Variants in STX6 observed in about 807,000 individuals in gnomAD.
The protein encoded by STX6 is syntaxin 6, also known as syntaxin-6.
A neutral mutation model predicts 38.0 loss-of-function variants in STX6; 23 were observed. The ratio of observed to expected loss-of-function variants is 0.60; its 90% CI spans 0.43 to 0.86. The LOEUF is 0.86. STX6 is among the 40% of genes least tolerant of loss of function. The pLI, the probability that STX6 is intolerant of heterozygous loss-of-function variation, is 0.00. For missense variants in STX6, 274 were observed against 312.9 expected (o/e 0.88, Z 0.94); for synonymous variants, 123 against 107.5 (o/e 1.14, Z -0.89).
chr1:180,983,946 C>T (rs995437949), intron 7 of STX6, among the ~76,000 whole-genome samples: 3 of 151,208 alleles, frequency 2.0e-5, no homozygotes, highest in Non-Finnish European at 4.4e-5. Context: ...CGCCTGTAGT[C>T]CCAGCTACTT....
At position 180,984,678 on chromosome 1, in the gene STX6, A is replaced by T. The variant is rs1294501695; in HGVS notation, c.690T>A (p.Ser230Arg). Residue 230 changes from serine to arginine, a missense_variant and splice_region_variant, in exon 7 of 8, where the codon AGT (serine) becomes AGA (arginine). Ser to Arg is a moderately radical substitution (Grantham distance 110). Transcript: ENST00000258301. ...KKLAKVSHMTSDRRQWCAIAI... is the reference protein window; with the variant it reads ...KKLAKVSHMTRDRRQWCAIAI... The stretch of plus-strand genomic sequence containing the variant: ...TTAAGCTTTAAACGCCATACATACC[A>T]CTGGTCATATGAGATACTTTTGCAA... The T allele has an allele frequency of 6.9e-7, 1 of 1,457,454 alleles. No homozygotes were observed. The highest frequency in any genetic ancestry group is 9.6e-7 in the Non-Finnish European group (1 of 1,038,662). The allele number at this position is 1,457,454 out of a possible 1,614,324, so 90.3% of individuals were successfully genotyped here. A position where few individuals can be genotyped will look rare whatever the true frequency, so the allele number is the denominator to read the frequency against.
chr1:181,015,901 C>G (rs967495005), intron 1 of STX6, among the ~76,000 whole-genome samples: 2 of 152,136 alleles, frequency 1.3e-5, no homozygotes, highest in African/African-American at 4.8e-5. Flanking sequence ...CCTCATGATT[C>G]GCCTGCCTTG....
rs188723375 is a variant in STX6 at position 180,980,886 on chromosome 1, T to C, written c.691+3791A>G. Among the ~76,000 whole-genome samples the C allele has an allele frequency of 5.0e-3, 764 of 152,198 alleles. 8 individuals are homozygous for C. Among genetic ancestry groups the C allele is most frequent in the African/African-American group, 0.018 (735 of 41,502 alleles). ...GCTATCAAGCCATGAAAAAGCACAG[T>C]GGAAACTTAGATGCACACTGCTAAG... On this transcript the variant is annotated intron_variant, in intron 7 of 7. Transcript: ENST00000258301.
intron 1 of STX6, among the ~76,000 whole-genome samples, chr1:181,008,732 T>TTTTTTG (rs1485415178): frequency 8.6e-5 from 13 of 150,360 alleles, no homozygotes; most frequent in African/African-American, 2.9e-4. Flanking sequence ...AAATTGTTTT[T>TTTTTTG]TTTTTTTTTT....
chr1:180,994,292 A>T (rs1655837487), intron 3 of STX6, among the ~76,000 whole-genome samples: 1 of 152,226 alleles, frequency 6.6e-6, no homozygotes, highest in Admixed American at 6.5e-5. Flanking sequence ...TGACAAGTAA[A>T]CAGATGAGAC....
At chr1:180,981,054 T>G (rs1316598109) in intron 7 of STX6, among the ~76,000 whole-genome samples, 1 of 152,036 alleles carries the variant, frequency 6.6e-6, no homozygotes, top group Admixed American at 6.6e-5. Flanking sequence ...AACACAGGAT[T>G]TTTTAGGGCA....
At chr1:181,014,727 A>T (rs1043316117) in intron 1 of STX6, among the ~76,000 whole-genome samples, 2 of 152,162 alleles carry the variant, frequency 1.3e-5, no homozygotes, top group African/African-American at 2.4e-5. Context: ...GAAAGAGAGG[A>T]ACTCTTTTTA....
chr1:180,976,560 G>A lies in STX6; in HGVS notation c.*10C>T, dbSNP rs1310223872. 7 of 1,613,250 alleles carry A rather than the reference G, an allele frequency of 4.3e-6. No homozygotes were observed. The highest frequency in any genetic ancestry group is 4.0e-5 in the African/African-American group (3 of 74,878). ...TATGCAGGAGGAACTCGCACCCAGA[G>A]GCCCCGCCGTCACAGCACTAAGAAG... is the stretch of plus-strand genomic sequence containing the variant. On this transcript the variant is annotated 3_prime_UTR_variant, in exon 8 of 8. Coordinates refer to ENST00000258301, the MANE Select transcript of STX6 (RefSeq NM_005819.6).
At chr1:180,993,174 G>A (rs142754380) in intron 4 of STX6, among the ~76,000 whole-genome samples, 189 bp downstream of exon 4, 50 of 152,276 alleles carry the variant, frequency 3.3e-4, no homozygotes, top group Middle Eastern at 3.4e-3. Flanking sequence ...GAGGAGGGGA[G>A]GGAAATGTTG....
At chr1:181,013,067 G>A (rs1365548310) in intron 1 of STX6, among the ~76,000 whole-genome samples, 1 of 151,534 alleles carries the variant, frequency 6.6e-6, no homozygotes, top group Non-Finnish European at 1.5e-5. Flanking sequence ...TCGTCAGATA[G>A]TTGAGCCTCT....
At chr1:181,012,653 G>A (rs1656433981) in intron 1 of STX6, among the ~76,000 whole-genome samples, 1 of 149,836 alleles carries the variant, frequency 6.7e-6, no homozygotes, top group Non-Finnish European at 1.5e-5. Flanking sequence ...AGTCATCTGA[G>A]CATTCAGATT....
intron 1 of STX6, among the ~76,000 whole-genome samples, chr1:181,011,811 G>A (rs1357812243): frequency 3.9e-5 from 6 of 152,308 alleles, no homozygotes; most frequent in East Asian, 1.9e-4. Context: ...ACTGTTGTCC[G>A]TTCTACACAA....
At chr1:181,006,627 A>G (rs1380318676) in intron 1 of STX6, among the ~76,000 whole-genome samples, 1 of 151,988 alleles carries the variant, frequency 6.6e-6, no homozygotes. Flanking sequence ...TCCTTCTATG[A>G]TTTCTTCTGG....
At chr1:181,006,136 C>A (rs749444288) in intron 1 of STX6, among the ~76,000 whole-genome samples, 17 of 152,120 alleles carry the variant, frequency 1.1e-4, no homozygotes, top group Non-Finnish European at 1.9e-4. Flanking sequence ...GATCTTGGCT[C>A]ACTGCAACCT....
chr1:181,006,905 T>A (rs555166434), intron 1 of STX6, among the ~76,000 whole-genome samples: 2 of 152,334 alleles, frequency 1.3e-5, no homozygotes, highest in East Asian at 3.9e-4. Flanking sequence ...TCTACCAACG[T>A]CTATTCATCT....
chr1:181,018,388 C>CAAAAAAAAAAAAAAA (rs34962747), intron 1 of STX6, among the ~76,000 whole-genome samples: 2 of 43,038 alleles, frequency 4.6e-5, no homozygotes, highest in African/African-American at 8.9e-5. Context: ...GACTCTGTCC[C>CAAAAAAAAAAAAAAA]AAAAAAAAAA....
intron 1 of STX6, among the ~76,000 whole-genome samples, chr1:181,007,593 A>T (rs1656260113): frequency 6.6e-6 from 1 of 152,226 alleles, no homozygotes; most frequent in Non-Finnish European, 1.5e-5. Flanking sequence ...AGAAGCCTCA[A>T]ACCAAGAAGC....
At chr1:180,977,547 C>CATGTAGAA (rs1387737011) in intron 7 of STX6, among the ~76,000 whole-genome samples, 1 of 152,188 alleles carries the variant, frequency 6.6e-6, no homozygotes, top group Non-Finnish European at 1.5e-5. Flanking sequence ...AATTTGGAGA[C>CATGTAGAA]ATGTAGAAAA....
Position 181,022,760 on chromosome 1 carries a change from C to G in STX6, c.-87G>C. On this transcript the variant is annotated 5_prime_UTR_variant, in exon 1 of 8. Coordinates refer to ENST00000258301, the MANE Select transcript of STX6 (RefSeq NM_005819.6). ...TCCCTCCGCCCACCCCGCCTGTTCCCGCAGCTGCCCGCGCCTTAGTCTGGG... is the reference window on the plus strand; with the variant it reads ...TCCCTCCGCCCACCCCGCCTGTTCCGGCAGCTGCCCGCGCCTTAGTCTGGG... 2.2e-6 allele frequency: 3 copies of G among 1,352,820 alleles called. No individual in the cohort carries two copies. In the Admixed American group the frequency reaches 5.9e-5, roughly 26 times the overall value. 83.8% of individuals were successfully genotyped at this position (1,352,820 alleles called of 1,614,324 possible).
Sources: allele counts gnomAD v4.1 joint callset (sites outside exome capture counted in the v4.1 genomes callset), GRCh38; gene constraint gnomAD v4.1.1; transcripts MANE v1.5; gene names NCBI Gene and HGNC (gene_info 2026-07-23, HGNC 2026-07-21).